MKLN1: variants seen among roughly 807,000 people sequenced by gnomAD.
MKLN1 encodes the protein muskelin.
A neutral mutation model predicts 99.0 loss-of-function variants in MKLN1; 18 were observed. The ratio of observed to expected loss-of-function variants is 0.18; its 90% CI spans 0.13 to 0.27. The LOEUF is 0.27. Among genes scored for constraint, MKLN1 ranks in the 10% least tolerant of loss-of-function variants. The pLI is 1.00. For missense variants in MKLN1, 621 were observed against 875.9 expected (o/e 0.71, Z 3.67); for synonymous variants, 288 against 293.2 (o/e 0.98, Z 0.18).
chr7:131,206,017 C>T (rs1263236707), intron 3 of MKLN1, among the ~76,000 whole-genome samples: 1 of 151,966 alleles, frequency 6.6e-6, no homozygotes, highest in Non-Finnish European at 1.5e-5. Flanking sequence ...TCTCAGCCTC[C>T]TGAGTAGCTG....
chr7:131,416,423 AC>A (rs1261157247), intron 8 of MKLN1, among the ~76,000 whole-genome samples: 4 of 152,190 alleles, frequency 2.6e-5, no homozygotes, highest in Non-Finnish European at 5.9e-5. Context: ...TCATGACAGA[AC>A]TTAGTGTGAG....
intron 2 of MKLN1, among the ~76,000 whole-genome samples, chr7:131,192,511 AATATAAATATTTAC>A (rs1563247919): frequency 1.5e-5 from 2 of 137,720 alleles, no homozygotes; most frequent in Non-Finnish European, 1.5e-5. Flanking sequence ...TACACATATA[AATATAAATATTTAC>A]ATATATATAA....
chr7:131,284,731 C>T (rs1017301076), intron 3 of MKLN1, among the ~76,000 whole-genome samples: 3 of 152,120 alleles, frequency 2.0e-5, no homozygotes, highest in Admixed American at 2.0e-4. Flanking sequence ...TGCATACGTG[C>T]GGTCGCTTAG....
chr7:131,362,043 A>T (rs1013771688), intron 1 of MKLN1, among the ~76,000 whole-genome samples: 3 of 152,068 alleles, frequency 2.0e-5, no homozygotes, highest in Non-Finnish European at 4.4e-5. Context: ...TAAACTTGAA[A>T]GATAGTTTGA....
At chr7:131,435,844 T>C (rs1419605741) in intron 9 of MKLN1, among the ~76,000 whole-genome samples, 1 of 152,120 alleles carries the variant, frequency 6.6e-6, no homozygotes, top group Non-Finnish European at 1.5e-5. Context: ...CCAACTTTGT[T>C]AATTTTCTCT....
At chr7:131,191,478 G>C (rs1796540376) in intron 2 of MKLN1, among the ~76,000 whole-genome samples, 1 of 152,206 alleles carries the variant, frequency 6.6e-6, no homozygotes, top group Non-Finnish European at 1.5e-5. Context: ...ATGATGTGAA[G>C]GAGAGAAGGA....
chr7:131,370,221 TATC>T lies in MKLN1; in HGVS notation c.99-5200_99-5198del, dbSNP rs201907096. Reference sequence around the variant, plus strand: ...GTTGTGCATCATTTAATAAATGAATTATCATTTCCTGCTGAATTAAAATATCAC... The same window carrying T: ...GTTGTGCATCATTTAATAAATGAATTATTTCCTGCTGAATTAAAATATCAC... On this transcript the variant is annotated intron_variant, in intron 1 of 17. Transcript: ENST00000352689. Among the ~76,000 whole-genome samples the T allele has an allele frequency of 5.3e-5, 8 of 152,340 alleles. No homozygotes were observed. The East Asian group carries it at 1.5e-3, about 29-fold the overall frequency.
At chr7:131,140,196 C>T (rs1795710654) in intron 1 of MKLN1, among the ~76,000 whole-genome samples, 1 of 152,174 alleles carries the variant, frequency 6.6e-6, no homozygotes, top group African/African-American at 2.4e-5. Context: ...TTTTCTTGCT[C>T]GATCTCTTGA....
At position 131,208,624 on chromosome 7, in the gene MKLN1, C is replaced by G. The variant is rs189417537; in HGVS notation, c.-179+5650C>G. On this transcript the variant is annotated intron_variant, in intron 3 of 7. Transcript: ENST00000416992. ...GAAAAATAATAATAACTAAAGGATA[C>G]TGGTAATATGTTACAGATATTACTT... Among the ~76,000 whole-genome samples the G allele has an allele frequency of 3.9e-5, 6 of 152,188 alleles. No individual in the cohort carries two copies. In the East Asian group the frequency reaches 9.6e-4, roughly 24 times the overall value.
At chr7:131,379,790 A>G (rs1257440695) in intron 2 of MKLN1, among the ~76,000 whole-genome samples, 1 of 152,236 alleles carries the variant, frequency 6.6e-6, no homozygotes, top group Non-Finnish European at 1.5e-5. Flanking sequence ...TTCACATTGC[A>G]TCCCTGTATC....
intron 2 of MKLN1, among the ~76,000 whole-genome samples, chr7:131,199,717 G>T (rs188877943): frequency 6.6e-6 from 1 of 152,030 alleles, no homozygotes; most frequent in Non-Finnish European, 1.5e-5. Flanking sequence ...AAATTGAGAC[G>T]GAGTCTCACT....
At chr7:131,245,056 T>A (rs2116502094) in intron 3 of MKLN1, among the ~76,000 whole-genome samples, 1 of 152,290 alleles carries the variant, frequency 6.6e-6, no homozygotes, top group Non-Finnish European at 1.5e-5. Flanking sequence ...TGTTGGTGCC[T>A]CCTGGGCATA....
At chr7:131,308,590 CTTT>C (rs60430767) in intron 3 of MKLN1, among the ~76,000 whole-genome samples, 27 of 144,190 alleles carry the variant, frequency 1.9e-4, no homozygotes, top group Admixed American at 1.4e-4. Context: ...TTTGTTTTTT[CTTT>C]TTTTTTTTTG....
intron 12 of MKLN1, 41 bp from the exon 13 acceptor site, chr7:131,463,176 A>G: frequency 6.8e-7 from 1 of 1,468,194 alleles, no homozygotes; most frequent in South Asian, 1.2e-5. Flanking sequence ...TAATCTATCT[A>G]ATGTGAATAT....
chr7:131,327,855 C>T (rs563897321), upstream of MKLN1: 37 of 1,602,296 alleles, frequency 2.3e-5, no homozygotes, highest in East Asian at 6.5e-4. Context: ...CCCCTCCTCC[C>T]GTTCGCTGCC....
At chr7:131,143,473 A>T (rs571971869) in intron 2 of MKLN1, among the ~76,000 whole-genome samples, 41 of 152,240 alleles carry the variant, frequency 2.7e-4, no homozygotes, top group South Asian at 4.2e-4. Context: ...CTCAAAAAAA[A>T]GAAAAAATTC....
chr7:131,236,766 C>CTTGAGGCCAGGAGT (rs1797328001), intron 3 of MKLN1, among the ~76,000 whole-genome samples: 1 of 152,014 alleles, frequency 6.6e-6, no homozygotes. Flanking sequence ...GGGAGGATCA[C>CTTGAGGCCAGGAGT]TTGAGGCCAG....
At chr7:131,163,285 G>A (rs1259731486) in intron 2 of MKLN1, among the ~76,000 whole-genome samples, 1 of 152,140 alleles carries the variant, frequency 6.6e-6, no homozygotes, top group African/African-American at 2.4e-5. Flanking sequence ...TAGAATTTAG[G>A]GTGCAGTTGG....
chr7:131,311,374 C>T (rs1189356689), intron 3 of MKLN1, among the ~76,000 whole-genome samples: 1 of 152,118 alleles, frequency 6.6e-6, no homozygotes, highest in African/African-American at 2.4e-5. Context: ...CTGTGGTTTA[C>T]AACAGTTTAA....
Sources: allele counts gnomAD v4.1 joint callset (sites outside exome capture counted in the v4.1 genomes callset), GRCh38; gene constraint gnomAD v4.1.1; transcripts MANE v1.5; gene names NCBI Gene and HGNC (gene_info 2026-07-23, HGNC 2026-07-21).